GALNT10: variants seen among roughly 807,000 people sequenced by gnomAD.
GALNT10 encodes GalNAc transferase 10.
In GALNT10, 41 loss-of-function variants were observed where a neutral mutation model predicts 75.0. The ratio of observed to expected loss-of-function variants is 0.55; its 90% CI spans 0.43 to 0.71. GALNT10 has a LOEUF of 0.71. Among genes scored for constraint, GALNT10 ranks in the 30% least tolerant of loss-of-function variants. The pLI is 0.00. For synonymous variants in GALNT10, 302 were observed against 313.0 expected (o/e 0.96, Z 0.37); for missense variants, 727 against 818.5 (o/e 0.89, Z 1.36).
At chr5:154,229,495 G>A (rs992808494) in intron 1 of GALNT10, among the ~76,000 whole-genome samples, 1 of 152,198 alleles carries the variant, frequency 6.6e-6, no homozygotes, top group East Asian at 1.9e-4. Context: ...TTGGGAGGCT[G>A]AGGCAGGTGG....
chr5:154,327,614 C>T (rs531977831), intron 3 of GALNT10, among the ~76,000 whole-genome samples: 12 of 152,278 alleles, frequency 7.9e-5, no homozygotes, highest in African/African-American at 1.7e-4. Context: ...AATTGACCAT[C>T]GTTGGAGGAT....
chr5:154,347,549 A>G (rs182157761), intron 4 of GALNT10, among the ~76,000 whole-genome samples: 24 of 152,006 alleles, frequency 1.6e-4, no homozygotes, highest in Admixed American at 9.2e-4. Context: ...TTTAGTAGAG[A>G]CAAGGTCTCG....
At position 154,293,610 on chromosome 5, in the gene GALNT10, TA is replaced by T. The variant is rs1316501141; in HGVS notation, c.160-1205del. Among the ~76,000 whole-genome samples the T allele has an allele frequency of 2.1e-3, 297 of 144,778 alleles. 10 individuals carry two copies. The highest frequency in any genetic ancestry group is 7.5e-3 in the African/African-American group (280 of 37,122). The allele number at this position is 144,778 out of a possible 152,430, so 95.0% of individuals were successfully genotyped here. A position where few individuals can be genotyped will look rare whatever the true frequency, so the allele number is the denominator to read the frequency against. On this transcript the variant is annotated intron_variant, in intron 1 of 11. Coordinates refer to ENST00000297107, the MANE Select transcript of GALNT10 (RefSeq NM_198321.4). ...CTTGGGGCTGATATATATATATATA[TA>T]TATTTTTTTTTTCCTTTCAGCCATT...
intron 1 of GALNT10, among the ~76,000 whole-genome samples, chr5:154,204,670 A>G (rs1004202218): frequency 4.6e-5 from 7 of 152,186 alleles, no homozygotes; most frequent in African/African-American, 1.7e-4. Flanking sequence ...CCAAGATTAT[A>G]GAAGGACTGG....
intron 9 of GALNT10, among the ~76,000 whole-genome samples, chr5:154,410,032 A>T (rs944899414): frequency 6.6e-6 from 1 of 152,256 alleles, no homozygotes; most frequent in African/African-American, 2.4e-5. Flanking sequence ...TTTAAAATTC[A>T]GATTAACAGC....
Position 154,396,964 on chromosome 5 carries a change from TA to T in GALNT10, c.1057-7135del, listed in dbSNP as rs201227407. Among the ~76,000 whole-genome samples, 1,517 of 152,080 alleles carry T rather than the reference TA, an allele frequency of 1.0e-2. 9 individuals are homozygous for T. The highest frequency in any genetic ancestry group is 0.031 in the Middle Eastern group (9 of 294). On this transcript the variant is annotated intron_variant, in intron 7 of 11. Transcript: ENST00000297107. ...CAACATGGGGAAAACCTGTCTCTAC[TA>T]AAAATACAAAAATCAGCTGGGCATG...
At chr5:154,316,148 G>C (rs1486540829) in intron 3 of GALNT10, among the ~76,000 whole-genome samples, 3 of 152,190 alleles carry the variant, frequency 2.0e-5, no homozygotes, top group Non-Finnish European at 4.4e-5. Context: ...CACTTCTCTA[G>C]GCTGTGTGGT....
At chr5:154,331,608 G>T (rs1371748714) in intron 4 of GALNT10, among the ~76,000 whole-genome samples, 1 of 152,218 alleles carries the variant, frequency 6.6e-6, no homozygotes, top group African/African-American at 2.4e-5. Flanking sequence ...ATTAAAGATA[G>T]ACATCTGAGC....
chr5:154,263,928 C>A (rs985512985), intron 1 of GALNT10, among the ~76,000 whole-genome samples: 1 of 152,070 alleles, frequency 6.6e-6, no homozygotes, highest in African/African-American at 2.4e-5. Flanking sequence ...AATTAGATAG[C>A]GTTGATGTTT....
chr5:154,306,892 T>C (rs1334219664), intron 3 of GALNT10, among the ~76,000 whole-genome samples: 1 of 152,168 alleles, frequency 6.6e-6, no homozygotes, highest in Admixed American at 6.5e-5. Flanking sequence ...ATAACCTAAT[T>C]GATATTTATA....
intron 3 of GALNT10, among the ~76,000 whole-genome samples, chr5:154,315,133 A>AT (rs58287072): frequency 6.6e-6 from 1 of 152,110 alleles, no homozygotes; most frequent in African/African-American, 2.4e-5. Flanking sequence ...AATCAAAAAA[A>AT]AATAAAAATA....
chr5:154,368,045 C>T (rs188553095), intron 4 of GALNT10, among the ~76,000 whole-genome samples: 129 of 152,304 alleles, frequency 8.5e-4, no homozygotes, highest in Middle Eastern at 6.8e-3. Context: ...GTGATCTGAT[C>T]CTCAAACCTT....
At chr5:154,209,458 A>G (rs1775160613) in intron 1 of GALNT10, among the ~76,000 whole-genome samples, 1 of 152,214 alleles carries the variant, frequency 6.6e-6, no homozygotes, top group Non-Finnish European at 1.5e-5. Flanking sequence ...GGCTGCTGCA[A>G]CAGAATACTA....
intron 1 of GALNT10, among the ~76,000 whole-genome samples, chr5:154,260,334 C>T (rs2434528): frequency 6.6e-6 from 1 of 151,956 alleles, no homozygotes; most frequent in Non-Finnish European, 1.5e-5. Context: ...TCCATAATTA[C>T]ATTATTATTC....
chr5:154,375,740 A>G (rs1315842828), intron 4 of GALNT10, among the ~76,000 whole-genome samples: 1 of 152,208 alleles, frequency 6.6e-6, no homozygotes, highest in East Asian at 1.9e-4. Flanking sequence ...GCAAAAGGAA[A>G]GGGCCTCATT....
At chr5:154,372,195 C>T (rs986305914) in intron 4 of GALNT10, among the ~76,000 whole-genome samples, 9 of 152,154 alleles carry the variant, frequency 5.9e-5, no homozygotes, top group Non-Finnish European at 1.2e-4. Flanking sequence ...CTCTCTGTGC[C>T]CTCAGTTTCC....
intron 4 of GALNT10, among the ~76,000 whole-genome samples, chr5:154,368,799 G>C (rs153413): frequency 0.28 from 42,733 of 152,090 alleles, 6,328 homozygotes; most frequent in Non-Finnish European, 0.33. Flanking sequence ...TTTTCCTGCT[G>C]TTTATATTTA....
At chr5:154,206,367 T>A (rs1311841257) in intron 1 of GALNT10, among the ~76,000 whole-genome samples, 1 of 152,178 alleles carries the variant, frequency 6.6e-6, no homozygotes, top group Non-Finnish European at 1.5e-5. Flanking sequence ...TTGTACTGGG[T>A]CCCCACTAAA....
intron 3 of GALNT10, among the ~76,000 whole-genome samples, chr5:154,302,096 A>T (rs1332318505): frequency 1.3e-5 from 2 of 152,224 alleles, no homozygotes; most frequent in Non-Finnish European, 2.9e-5. Flanking sequence ...TGACAGCAGA[A>T]ATGTGTGAGT....
Sources: gnomAD v4.1 joint callset for allele counts (sites outside exome capture counted in the v4.1 genomes callset) on GRCh38, gnomAD v4.1.1 for gene constraint, MANE v1.5 for transcripts, NCBI Gene and HGNC (gene_info 2026-07-23, HGNC 2026-07-21) for gene names.